Variants in PRPH observed in about 807,000 individuals in gnomAD.
PRPH encodes the protein peripherin, also known as neurofilament 4 (57kD).
Under a neutral mutation model 52.6 loss-of-function variants are expected in PRPH, and 48 were observed. The ratio of observed to expected loss-of-function variants is 0.91; its 90% CI spans 0.72 to 1.16. PRPH has a LOEUF of 1.16. Among genes scored for constraint, PRPH ranks in the 50% most tolerant of loss-of-function variants. The pLI is 0.00. For synonymous variants in PRPH, 279 were observed against 283.8 expected (o/e 0.98, Z 0.17); for missense variants, 579 against 635.7 (o/e 0.91, Z 0.96).
In PRPH at chr12:49,296,709, G is replaced by C; in HGVS notation, c.703-180G>C. 8.6e-7 allele frequency: 1 copy of C among 1,168,990 alleles called. No individual in the cohort carries two copies. The highest frequency in any genetic ancestry group is 1.5e-5 in the African/African-American group (1 of 65,122). 72.4% of individuals were successfully genotyped at this position (1,168,990 alleles called of 1,614,324 possible). On this transcript the variant is annotated intron_variant, in intron 3 of 8. Transcript: ENST00000257860. The surrounding 1 kb of genome is among the most constrained non-coding windows in gnomAD (Gnocchi z 5.1). The stretch of plus-strand genomic sequence containing the variant: ...GCGCCACCTGGCGGCGGGCAGCGGG[G>C]CTGTACCTCCGAAACCTGGCCTCTG...
intron 8 of PRPH, 94 bp from the exon 9 acceptor site, chr12:49,298,194 G>A: frequency 6.5e-7 from 1 of 1,533,078 alleles, no homozygotes; most frequent in South Asian, 1.1e-5. Context: ...GCCTCTGCTG[G>A]TTACCCCAGG....
chr12:49,295,874 A>G, intron 1 of PRPH, 129 bp downstream of exon 1: 1 of 1,439,440 alleles, frequency 6.9e-7, no homozygotes, highest in Non-Finnish European at 9.1e-7. Context: ...TTACCAACCC[A>G]GGTGTGTGCG....
intron 1 of PRPH, 116 bp downstream of exon 1, chr12:49,295,861 C>T (rs976793902): frequency 7.0e-7 from 1 of 1,437,716 alleles, no homozygotes; most frequent in East Asian, 2.5e-5. Flanking sequence ...GGTGTGGCTC[C>T]CCTTACCAAC....
chr12:49,297,134 C>T lies in PRPH; in HGVS notation c.871-14C>T. ...TCCCAGCCGACTAAAGCCTGGGTTA[C>T]CCCCACTTCTCAGTACGCGGACCTG... On this transcript the variant is annotated splice_polypyrimidine_tract_variant and intron_variant, in intron 4 of 8. Transcript: ENST00000257860. This position sits in a 1 kb window ranked among gnomAD's most constrained non-coding sequence, Gnocchi z 4.4. 6.2e-7 allele frequency: 1 copy of T among 1,613,974 alleles called. No homozygotes were observed.
rs1331013106 is a variant in PRPH, at chr12:49,297,375, C to G, written c.1015C>G (p.Gln339Glu). ...LRGTNEALLR[Q>E]LRELEEQFAL... ...ACCCCAGAACGAGGCGCTGCTCAGG[C>G]AGTTGAGAGAGCTGGAGGAGCAGTT... Residue 339 changes from glutamine (Q) to glutamate (E), a missense_variant, in exon 6 of 9, where the codon CAG (glutamine) becomes GAG (glutamate). Physicochemically the swap from Gln to Glu is conservative, Grantham distance 29 (BLOSUM62 2). Coordinates refer to ENST00000257860, the MANE Select transcript of PRPH (RefSeq NM_006262.4). This position sits in a 1 kb window ranked among gnomAD's most constrained non-coding sequence, Gnocchi z 4.4. The G allele has an allele frequency of 2.5e-6, 4 of 1,613,648 alleles. No individual in the cohort carries two copies. Among genetic ancestry groups the G allele is most frequent in the Non-Finnish European group, 3.4e-6 (4 of 1,179,956 alleles).
At position 49,297,168 on chromosome 12, in the gene PRPH, T is replaced by C. The variant is rs1340281431; in HGVS notation, c.891T>C (p.Ala297=). 3 of 1,613,970 alleles carry C rather than the reference T, an allele frequency of 1.9e-6. No homozygotes were observed. Among genetic ancestry groups the C allele is most frequent in the Non-Finnish European group, 2.5e-6 (3 of 1,179,978 alleles). ...CTCAGTACGCGGACCTGTCCGACGC[T>C]GCCAACCGGAACCACGAGGCCCTGC... ...YKSKYADLSD[A]ANRNHEALRQ... The change falls in exon 5 of 9, where the codon GCT becomes GCC. Residue 297 remains alanine, a synonymous_variant. Coordinates refer to ENST00000257860, the MANE Select transcript of PRPH (RefSeq NM_006262.4). This position sits in a 1 kb window ranked among gnomAD's most constrained non-coding sequence, Gnocchi z 4.4.
rs549619324 is a variant in PRPH, at chr12:49,296,422, C to T, written c.607-10C>T. ...AACTTATCTTGAACCTCCACTGCCACCCCTCGAAGGACGTGGACGATGCCA... is the reference window on the plus strand; with the variant it reads ...AACTTATCTTGAACCTCCACTGCCATCCCTCGAAGGACGTGGACGATGCCA... On this transcript the variant is annotated splice_polypyrimidine_tract_variant and intron_variant, in intron 2 of 8. Transcript: ENST00000257860. The surrounding 1 kb of genome is among the most constrained non-coding windows in gnomAD (Gnocchi z 5.1). 4 of 1,613,682 alleles carry T rather than the reference C, an allele frequency of 2.5e-6. No homozygotes were observed. The African/African-American group carries it at 4.0e-5, about 16-fold the overall frequency.
Position 49,297,661 on chromosome 12 carries a change from C to T in PRPH, c.1218-16C>T. The T allele has an allele frequency of 1.2e-6, 2 of 1,613,532 alleles. No homozygotes were observed. Among genetic ancestry groups the T allele is most frequent in the Non-Finnish European group, 1.7e-6 (2 of 1,180,036 alleles). ...GGGGCCTGGGCAGGGGCGCTGACAA[C>T]TTGCTTCGCCTCTAGGATCTCCGTG... On this transcript the variant is annotated splice_polypyrimidine_tract_variant and intron_variant, in intron 6 of 8. Coordinates refer to ENST00000257860, the MANE Select transcript of PRPH (RefSeq NM_006262.4). This position sits in a 1 kb window ranked among gnomAD's most constrained non-coding sequence, Gnocchi z 4.4.
At chr12:49,295,767 G>A (rs1383128233) in intron 1 of PRPH, 22 bp downstream of exon 1, 1 of 1,458,512 alleles carries the variant, frequency 6.9e-7, no homozygotes, top group South Asian at 1.4e-5. Flanking sequence ...GGGCTGGGCC[G>A]CTGCCGTCGA....
Position 49,295,165 on chromosome 12 carries a change from A to T in PRPH, c.-36A>T. 6.2e-7 allele frequency: 1 copy of T among 1,601,648 alleles called. No homozygotes were observed. The highest frequency in any genetic ancestry group is 2.3e-5 in the East Asian group (1 of 43,794). On this transcript the variant is annotated 5_prime_UTR_variant, in exon 1 of 9. Coordinates refer to ENST00000257860, the MANE Select transcript of PRPH (RefSeq NM_006262.4). Reference sequence around the variant, plus strand: ...GCGGCTCCTTCCCAGCCCCCGGCCTAGCTCTGCGAACGGTGACTGCCCATC... The same window carrying T: ...GCGGCTCCTTCCCAGCCCCCGGCCTTGCTCTGCGAACGGTGACTGCCCATC...
chr12:49,296,130 G>C lies in PRPH; in HGVS notation c.546-48G>C. 4.4e-6 allele frequency: 7 copies of C among 1,588,998 alleles called. No individual in the cohort carries two copies. The highest frequency in any genetic ancestry group is 6.0e-6 in the Non-Finnish European group (7 of 1,167,694). On this transcript the variant is annotated intron_variant, in intron 1 of 8. Coordinates refer to ENST00000257860, the MANE Select transcript of PRPH (RefSeq NM_006262.4). The surrounding 1 kb of genome is among the most constrained non-coding windows in gnomAD (Gnocchi z 5.1). ...GGGGGGCGTGCGGTCTGGGGTGCGAGCTGGGCGGCGACCCCGCAGTTCAGC... is the reference window on the plus strand; with the variant it reads ...GGGGGGCGTGCGGTCTGGGGTGCGACCTGGGCGGCGACCCCGCAGTTCAGC...
rs752803181 is a variant in PRPH, at chr12:49,297,700, T to C, written c.1241T>C (p.Phe414Ser). ...AGGATCTCCGTGCCCGTCCATTCTT[T>C]TGCCTCCTTAAATATAAAGACGACT... ...ESRISVPVHS[F>S]ASLNIKTTVP... Residue 414 changes from phenylalanine (F) to serine (S), a missense_variant, in exon 7 of 9, where the codon TTT becomes TCT. Physicochemically the swap from Phe to Ser is radical, Grantham distance 155. Coordinates refer to ENST00000257860, the MANE Select transcript of PRPH (RefSeq NM_006262.4). The surrounding 1 kb of genome is among the most constrained non-coding windows in gnomAD (Gnocchi z 4.4). 4.4e-6 allele frequency: 7 copies of C among 1,608,934 alleles called. No homozygotes were observed. Among genetic ancestry groups the C allele is most frequent in the Non-Finnish European group, 6.0e-6 (7 of 1,176,126 alleles).
chr12:49,295,745 G>A lies in PRPH; in HGVS notation c.545G>A (p.Arg182Lys), dbSNP rs1943168954. Residue 182 changes from arginine to lysine, a missense_variant and splice_region_variant, in exon 1 of 9, where the codon AGG becomes AAG. Coordinates refer to ENST00000257860, the MANE Select transcript of PRPH (RefSeq NM_006262.4). Reference sequence around the variant, plus strand: ...GAGGACCTGGCGGCGCTCAAGCAGAGGTCAGGGGGCAGGGCTGGGCCGCTG... The same window carrying A: ...GAGGACCTGGCGGCGCTCAAGCAGAAGTCAGGGGGCAGGGCTGGGCCGCTG... ...LAEDLAALKQRLEEETRKRED... is the reference protein window; with the variant it reads ...LAEDLAALKQKLEEETRKRED... 1.3e-6 allele frequency: 2 copies of A among 1,502,522 alleles called. No homozygotes were observed. Among genetic ancestry groups the A allele is most frequent in the Non-Finnish European group, 1.8e-6 (2 of 1,133,470 alleles). The allele number at this position is 1,502,522 out of a possible 1,614,324, so 93.1% of individuals were successfully genotyped here. A position where few individuals can be genotyped will look rare whatever the true frequency, so the allele number is the denominator to read the frequency against.
At position 49,296,201 on chromosome 12, in the gene PRPH, G is replaced by A. The variant is rs758177562; in HGVS notation, c.569G>A (p.Arg190Gln). Reference protein sequence around the residue: ...KQRLEEETRKREDAEHNLVLF... With the variant: ...KQRLEEETRKQEDAEHNLVLF... Reference sequence around the variant, plus strand: ...AGGTTGGAGGAGGAGACGCGCAAGCGGGAGGACGCGGAGCACAACCTCGTG... The same window carrying A: ...AGGTTGGAGGAGGAGACGCGCAAGCAGGAGGACGCGGAGCACAACCTCGTG... The change falls in exon 2 of 9, where the codon CGG becomes CAG. Residue 190 changes from arginine to glutamine, a missense_variant. Arg to Gln is a conservative substitution (Grantham distance 43, BLOSUM62 1). Transcript: ENST00000257860. This position sits in a 1 kb window ranked among gnomAD's most constrained non-coding sequence, Gnocchi z 5.1. 1 of 1,612,806 alleles carries A rather than the reference G, an allele frequency of 6.2e-7. No homozygotes were observed. The highest frequency in any genetic ancestry group is 1.3e-5 in the African/African-American group (1 of 74,902).
intron 1 of PRPH, 34 bp downstream of exon 1, chr12:49,295,779 G>A (rs1943169854): frequency 1.4e-6 from 2 of 1,448,690 alleles, no homozygotes; most frequent in South Asian, 2.9e-5. Flanking sequence ...TGCCGTCGAG[G>A]CGAGGTCGAA....
rs748432214 is a variant in PRPH, at chr12:49,297,503, G to A, written c.1143G>A (p.Glu381=). The part of the protein sequence containing the change: ...EMARHLREYQ[E]LLNVKMALDI... ...CGCGGCACCTGAGGGAGTACCAGGAGCTCCTCAACGTCAAGATGGCCCTGG... is the reference window on the plus strand; with the variant it reads ...CGCGGCACCTGAGGGAGTACCAGGAACTCCTCAACGTCAAGATGGCCCTGG... The change falls in exon 6 of 9, where the codon GAG becomes GAA. Residue 381 remains glutamate, a synonymous_variant. Coordinates refer to ENST00000257860, the MANE Select transcript of PRPH (RefSeq NM_006262.4). The surrounding 1 kb of genome is among the most constrained non-coding windows in gnomAD (Gnocchi z 4.4). 14 of 1,612,554 alleles carry A rather than the reference G, an allele frequency of 8.7e-6. No individual in the cohort carries two copies. In the Admixed American group the frequency reaches 2.2e-4, roughly 25 times the overall value.
Position 49,297,402 on chromosome 12 carries a change from G to T in PRPH, c.1042G>T (p.Ala348Ser). The T allele has an allele frequency of 6.2e-7, 1 of 1,613,448 alleles. No homozygotes were observed. Among genetic ancestry groups the T allele is most frequent in the Non-Finnish European group, 8.5e-7 (1 of 1,179,896 alleles). ...RQLRELEEQF[A>S]LEAGGYQAGA... ...GTTGAGAGAGCTGGAGGAGCAGTTC[G>T]CCCTGGAGGCGGGGGGCTACCAGGC... is the stretch of plus-strand genomic sequence containing the variant. Residue 348 changes from alanine to serine, a missense_variant, in exon 6 of 9, where the codon GCC becomes TCC. Physicochemically the swap from Ala to Ser is moderately conservative, Grantham distance 99. Transcript: ENST00000257860. This position sits in a 1 kb window ranked among gnomAD's most constrained non-coding sequence, Gnocchi z 4.4.
At chr12:49,298,204 G>A in intron 8 of PRPH, 84 bp from the exon 9 acceptor site, 1 of 1,552,672 alleles carries the variant, frequency 6.4e-7, no homozygotes, top group Non-Finnish European at 8.8e-7. Context: ...GTTACCCCAG[G>A]GAGTGGGGCT....
rs1943185486 is a variant in PRPH, at chr12:49,296,701, G to A, written c.702+174G>A. ...CCACCCTTGCGCCACCTGGCGGCGG[G>A]CAGCGGGGCTGTACCTCCGAAACCT... On this transcript the variant is annotated intron_variant, in intron 3 of 8. Transcript: ENST00000257860. The surrounding 1 kb of genome is among the most constrained non-coding windows in gnomAD (Gnocchi z 5.1). 9.6e-6 allele frequency: 11 copies of A among 1,149,578 alleles called. No individual in the cohort carries two copies. The highest frequency in any genetic ancestry group is 1.5e-5 in the African/African-American group (1 of 64,772). 71.2% of individuals were successfully genotyped at this position (1,149,578 alleles called of 1,614,324 possible).
Sources: gnomAD v4.1 joint callset for allele counts on GRCh38, gnomAD v4.1.1 for gene constraint, Gnocchi (gnomAD v3.1) non-coding constraint, MANE v1.5 for transcripts, NCBI Gene and HGNC (gene_info 2026-07-23, HGNC 2026-07-21) for gene names.